Variants in NEBL observed in about 807,000 individuals in gnomAD.
NEBL encodes LIM and SH3 protein 2.
In NEBL, 122 loss-of-function variants were observed where a neutral mutation model predicts 140.2. The ratio of observed to expected loss-of-function variants is 0.87; its 90% confidence interval spans 0.75 to 1.01. The LOEUF is 1.01. Among genes scored for constraint, NEBL ranks in the 50% least tolerant of loss-of-function variants. The pLI is 0.00. For missense variants in NEBL, 1,365 were observed against 1,231.3 expected, an observed-to-expected ratio of 1.11 and a Z score of -1.62; for synonymous variants, 436 against 398.9, an observed-to-expected ratio of 1.09 and a Z score of -1.11.
At chr10:20,890,874 A>T (rs145826219) in intron 2 of NEBL, among the ~76,000 whole-genome samples, 56 of 152,360 alleles carry the variant, frequency 3.7e-4, no homozygotes, top group Non-Finnish European at 5.9e-4. Flanking sequence ...TGACTCATTG[A>T]GAAGATGCAG....
chr10:20,950,881 C>T (rs1167672839), intron 4 of NEBL, among the ~76,000 whole-genome samples: 1 of 151,888 alleles, frequency 6.6e-6, no homozygotes, highest in Non-Finnish European at 1.5e-5. Flanking sequence ...TTTCTAAATC[C>T]ATACTCTCTT....
upstream of NEBL, among the ~76,000 whole-genome samples, chr10:21,176,833 A>T (rs1841308102): frequency 1.3e-5 from 2 of 152,162 alleles, no homozygotes; most frequent in Admixed American, 1.3e-4. Context: ...ATAAAGTTGA[A>T]TTTTTTTTAG....
In NEBL at chr10:20,850,395, T is replaced by G. The variant is rs779302864; in HGVS notation, c.1116A>C (p.Glu372Asp). The change falls in exon 11 of 28, where the codon GAA becomes GAC. Residue 372 changes from glutamate (E) to aspartate (D), a missense_variant and splice_region_variant. By Grantham distance (45) the Glu-to-Asp change is conservative (BLOSUM62 2). Coordinates refer to ENST00000377122, the MANE Select transcript of NEBL (RefSeq NM_006393.3). ...ASKEAQKMQS[E>D]KVYKEDFEKE... ...ATTAGTAACAAACTAATTGACCTAC[T>G]TCACTTTGCATCTTTTGAGCCTCCT... 1.3e-6 allele frequency: 2 copies of G among 1,588,460 alleles called. No individual in the cohort carries two copies. Among genetic ancestry groups the G allele is most frequent in the Non-Finnish European group, 1.7e-6 (2 of 1,156,626 alleles).
chr10:20,965,803 T>C (rs1836286723), intron 3 of NEBL, among the ~76,000 whole-genome samples: 1 of 152,184 alleles, frequency 6.6e-6, no homozygotes, highest in African/African-American at 2.4e-5. Flanking sequence ...GTCAGAGAAC[T>C]GTCCCAGGAC....
At chr10:20,924,963 C>T (rs1334583489) in intron 4 of NEBL, among the ~76,000 whole-genome samples, 1 of 151,312 alleles carries the variant, frequency 6.6e-6, no homozygotes, top group Non-Finnish European at 1.5e-5. Flanking sequence ...ATCTGCAGAC[C>T]CCCAACCCCC....
intron 9 of NEBL, among the ~76,000 whole-genome samples, chr10:20,854,856 C>A (rs1842897802): frequency 1.3e-5 from 2 of 152,128 alleles, no homozygotes; most frequent in African/African-American, 2.4e-5. Flanking sequence ...GGAGCTACTG[C>A]ACCTAGCCCA....
At chr10:21,126,262 T>G in intron 2 of NEBL, 1 of 789,276 alleles carries the variant, frequency 1.3e-6, no homozygotes, top group Non-Finnish European at 2.0e-6. Flanking sequence ...ATCAGGGACT[T>G]CTTTTGTAAG....
chr10:21,228,265 C>T lies in NEBL; in HGVS notation n.348+19656G>A, dbSNP rs138142629. Among the ~76,000 whole-genome samples, 54 of 152,164 alleles carry T rather than the reference C, an allele frequency of 3.5e-4. 1 individual carries two copies. The East Asian group carries it at 7.7e-3, about 22-fold the overall frequency. On this transcript the variant is annotated intron_variant and non_coding_transcript_variant, in intron 3 of 8. Coordinates refer to the NEBL transcript ENST00000675702. ...AACTCCTGAAGTCACGCAATGCTCCCGCCTCAGCTTCCAGAGTAGCTGGGA... is the reference window on the plus strand; with the variant it reads ...AACTCCTGAAGTCACGCAATGCTCCTGCCTCAGCTTCCAGAGTAGCTGGGA...
intron 1 of NEBL, among the ~76,000 whole-genome samples, chr10:21,255,994 G>A (rs1395854778): frequency 4.2e-4 from 61 of 146,050 alleles, no homozygotes; most frequent in Non-Finnish European, 7.0e-4. Flanking sequence ...AAAAAAAAAA[G>A]AAAAAGAAAA....
intron 3 of NEBL, among the ~76,000 whole-genome samples, chr10:21,237,667 C>T (rs1842375753): frequency 6.6e-6 from 1 of 151,880 alleles, no homozygotes; most frequent in African/African-American, 2.4e-5. Context: ...AGGGCAGTAG[C>T]ACCATGTCAG....
Position 21,120,680 on chromosome 10 carries a change from C to CAAAA in NEBL, c.164+51699_164+51702dup, listed in dbSNP as rs66476160. 3.1e-4 allele frequency among the ~76,000 whole-genome samples: 22 copies of CAAAA among 71,226 alleles called. 1 individual carries two copies. The highest frequency in any genetic ancestry group is 3.8e-4 in the Admixed American group (2 of 5,326). 46.7% of individuals were successfully genotyped at this position (71,226 alleles called of 152,430 possible). ...ACTCTTCAAAAGTATTTCATGACAGCAAAAAAAAAAAAAAAAAAAAAAAAC... is the reference window on the plus strand; with the variant it reads ...ACTCTTCAAAAGTATTTCATGACAGCAAAAAAAAAAAAAAAAAAAAAAAAAAAAC... On this transcript the variant is annotated intron_variant, in intron 2 of 6. Transcript: ENST00000417816.
At chr10:20,799,920 G>A (rs1836931967) in intron 26 of NEBL, among the ~76,000 whole-genome samples, 1 of 138,484 alleles carries the variant, frequency 7.2e-6, no homozygotes, top group Non-Finnish European at 1.5e-5. Context: ...CCTACCATCT[G>A]GCACGTGTGT....
At chr10:20,886,387 G>A (rs1451870249) in intron 4 of NEBL, among the ~76,000 whole-genome samples, 4 of 151,912 alleles carry the variant, frequency 2.6e-5, no homozygotes, top group Non-Finnish European at 5.9e-5. Context: ...AAATTAGCTG[G>A]GTGTGGTGGT....
intron 2 of NEBL, among the ~76,000 whole-genome samples, chr10:21,251,069 T>G (rs145365566): frequency 6.7e-4 from 102 of 152,286 alleles, no homozygotes; most frequent in Middle Eastern, 3.4e-3. Context: ...TTATTTAGTA[T>G]AATCATTTTC....
intron 2 of NEBL, among the ~76,000 whole-genome samples, chr10:21,060,452 G>C (rs561255023): frequency 1.3e-5 from 2 of 152,266 alleles, no homozygotes; most frequent in African/African-American, 4.8e-5. Context: ...TGGATTGCTT[G>C]TTAAACCAGC....
chr10:21,287,513 G>C (rs1471633623), intron 1 of NEBL, among the ~76,000 whole-genome samples: 2 of 152,132 alleles, frequency 1.3e-5, no homozygotes, highest in Admixed American at 1.3e-4. Context: ...TTCAGCTTGG[G>C]TGACAGAGTG....
At chr10:20,964,892 A>G (rs950210609) in intron 3 of NEBL, among the ~76,000 whole-genome samples, 1 of 152,204 alleles carries the variant, frequency 6.6e-6, no homozygotes, top group Non-Finnish European at 1.5e-5. Context: ...TACGTGAGCT[A>G]ATCTCTTCCT....
chr10:20,980,206 T>C (rs1836977492), intron 3 of NEBL, among the ~76,000 whole-genome samples: 1 of 152,176 alleles, frequency 6.6e-6, no homozygotes, highest in Non-Finnish European at 1.5e-5. Context: ...GTGTTGGAGT[T>C]GGTATCACCT....
intron 2 of NEBL, among the ~76,000 whole-genome samples, chr10:21,031,575 G>C (rs1346435062): frequency 6.6e-6 from 1 of 152,194 alleles, no homozygotes; most frequent in Non-Finnish European, 1.5e-5. Flanking sequence ...AATGTTAACA[G>C]ATTTGTTTAA....
Sources: allele counts gnomAD v4.1 joint callset (sites outside exome capture counted in the v4.1 genomes callset), GRCh38; gene constraint gnomAD v4.1.1; transcripts MANE v1.5; gene names NCBI Gene and HGNC (gene_info 2026-07-23, HGNC 2026-07-21).